Variants in PCDH7 observed in about 807,000 individuals in gnomAD.
PCDH7 encodes protocadherin-7.
A neutral mutation model predicts 58.9 loss-of-function variants in PCDH7; 17 were observed. That is an observed-to-expected ratio of 0.29 (90% CI 0.20 to 0.43). PCDH7 has a LOEUF of 0.43. PCDH7 is among the 20% of genes least tolerant of loss of function. PCDH7 has a pLI of 1.00. For synonymous variants in PCDH7, 664 were observed against 616.4 expected (o/e 1.08, Z -1.14); for missense variants, 1,274 against 1,441.0 (o/e 0.88, Z 1.88).
Position 31,080,892 on chromosome 4 carries a change from A to G in PCDH7, c.*8-61581A>G, listed in dbSNP as rs530050796. Reference sequence around the variant, plus strand: ...CTCCATACTGTTCTTGTGGTAGTGAATAAGTCCCATGAGATGTGATGATTT... The same window carrying G: ...CTCCATACTGTTCTTGTGGTAGTGAGTAAGTCCCATGAGATGTGATGATTT... On this transcript the variant is annotated intron_variant, in intron 3 of 3. Transcript: ENST00000509759. Among the ~76,000 whole-genome samples, 12 of 152,294 alleles carry G rather than the reference A, an allele frequency of 7.9e-5. No individual in the cohort carries two copies. The South Asian group carries it at 2.5e-3, about 32-fold the overall frequency.
chr4:31,074,807 A>G (rs1336002207), intron 3 of PCDH7, among the ~76,000 whole-genome samples: 9 of 147,670 alleles, frequency 6.1e-5, no homozygotes, highest in Non-Finnish European at 1.2e-4. Context: ...AAAAAAAAAA[A>G]GCTGTATTTA....
At chr4:30,801,822 C>G (rs1484902710) in intron 1 of PCDH7, among the ~76,000 whole-genome samples, 1 of 152,126 alleles carries the variant, frequency 6.6e-6, no homozygotes, top group Admixed American at 6.5e-5. Context: ...CTGTCTCTTT[C>G]AAACACTACT....
chr4:31,025,390 G>A (rs1160309608), intron 3 of PCDH7, among the ~76,000 whole-genome samples: 2 of 152,158 alleles, frequency 1.3e-5, no homozygotes, highest in East Asian at 3.9e-4. Flanking sequence ...CTAATAATTG[G>A]AAGAAATCCC....
At chr4:30,727,376 C>A (rs901524322) in intron 1 of PCDH7, among the ~76,000 whole-genome samples, 1 of 151,862 alleles carries the variant, frequency 6.6e-6, no homozygotes, top group African/African-American at 2.4e-5. Context: ...CCCTTAACTG[C>A]TTACTTTTTG....
At chr4:31,075,458 A>G (rs968240448) in intron 3 of PCDH7, among the ~76,000 whole-genome samples, 8 of 152,208 alleles carry the variant, frequency 5.3e-5, no homozygotes, top group Admixed American at 1.3e-4. Flanking sequence ...CCTCTGTAGT[A>G]TCTTCTCTCA....
intron 2 of PCDH7, among the ~76,000 whole-genome samples, chr4:30,943,020 G>A (rs549512495): frequency 2.0e-5 from 3 of 151,820 alleles, no homozygotes; most frequent in South Asian, 2.1e-4. Context: ...AACATAGGGT[G>A]ACACTGGGTG....
chr4:30,908,640 T>G lies in PCDH7; in HGVS notation c.71-11513T>G, dbSNP rs556781698. On this transcript the variant is annotated intron_variant, in intron 1 of 3. Coordinates refer to the PCDH7 transcript ENST00000509759. Reference sequence around the variant, plus strand: ...CAAGTTCTGAAATTGAGGCAGTAATTAATTGCCTACCAACCAAAAAAATCC... The same window carrying G: ...CAAGTTCTGAAATTGAGGCAGTAATGAATTGCCTACCAACCAAAAAAATCC... Among the ~76,000 whole-genome samples, 3 of 152,282 alleles carry G rather than the reference T, an allele frequency of 2.0e-5. No individual in the cohort carries two copies. In the East Asian group the frequency reaches 5.8e-4, roughly 29 times the overall value.
At chr4:30,910,381 A>G (rs969091896) in intron 1 of PCDH7, among the ~76,000 whole-genome samples, 11 of 152,208 alleles carry the variant, frequency 7.2e-5, no homozygotes, top group African/African-American at 2.7e-4. Context: ...GTGAACAGGC[A>G]AACTACAGAA....
chr4:30,945,060 G>A (rs184327480), intron 2 of PCDH7, among the ~76,000 whole-genome samples: 1 of 152,058 alleles, frequency 6.6e-6, no homozygotes, highest in East Asian at 1.9e-4. Context: ...CTCAGCTCCA[G>A]TTATGGAAAG....
At chr4:31,141,376 C>A (rs1163179606) in intron 3 of PCDH7, among the ~76,000 whole-genome samples, 1 of 152,136 alleles carries the variant, frequency 6.6e-6, no homozygotes, top group Non-Finnish European at 1.5e-5. Flanking sequence ...ATATTATGTT[C>A]TTTTGTTTGG....
At chr4:30,888,813 T>A (rs1039429285) in intron 1 of PCDH7, among the ~76,000 whole-genome samples, 1 of 152,116 alleles carries the variant, frequency 6.6e-6, no homozygotes, top group Non-Finnish European at 1.5e-5. Context: ...TGTATATGAG[T>A]ACTTACACTA....
intron 1 of PCDH7, among the ~76,000 whole-genome samples, chr4:30,763,626 C>CT (rs1720327485): frequency 6.6e-6 from 1 of 152,182 alleles, no homozygotes; most frequent in Admixed American, 6.5e-5. Flanking sequence ...CCACAGTGCT[C>CT]TGTTAGCCTG....
At chr4:30,860,741 T>C (rs10517220) in intron 1 of PCDH7, among the ~76,000 whole-genome samples, 14,136 of 152,156 alleles carry the variant, frequency 0.093, 781 homozygotes, top group Non-Finnish European at 0.12. Flanking sequence ...GTGAAGGTAC[T>C]AGGATTGTAT....
chr4:30,764,570 A>C (rs1577704507), intron 1 of PCDH7, among the ~76,000 whole-genome samples: 1 of 152,344 alleles, frequency 6.6e-6, no homozygotes, highest in East Asian at 1.9e-4. Flanking sequence ...TGACATTGAA[A>C]GAAACGAAGT....
At chr4:31,104,203 T>C (rs1715258467) in intron 3 of PCDH7, among the ~76,000 whole-genome samples, 1 of 152,180 alleles carries the variant, frequency 6.6e-6, no homozygotes, top group Admixed American at 6.5e-5. Flanking sequence ...AAGCACTTAG[T>C]TCTGTTTATT....
Position 30,722,224 on chromosome 4 carries a change from C to T in PCDH7, c.802C>T (p.Arg268Cys). 1 of 1,590,890 alleles carries T rather than the reference C, an allele frequency of 6.3e-7. No individual in the cohort carries two copies. The highest frequency in any genetic ancestry group is 8.6e-7 in the Non-Finnish European group (1 of 1,169,582). ...GCTGATCGTGAAGGGGGCGCTGGAC[C>T]GCGAGCAGCGCGACTCCTACGAGCT... Residue 268 changes from arginine (R) to cysteine (C), a missense_variant, in exon 1 of 2, where the codon CGC becomes TGC. By Grantham distance (180) the Arg-to-Cys change is radical. Coordinates refer to ENST00000361762, the Ensembl canonical transcript of PCDH7. This position sits in a 1 kb window ranked among gnomAD's most constrained non-coding sequence, Gnocchi z 7.6.
chr4:31,053,001 C>CT (rs558461830), intron 3 of PCDH7, among the ~76,000 whole-genome samples: 76 of 151,268 alleles, frequency 5.0e-4, no homozygotes, highest in African/African-American at 9.7e-4. Context: ...AGTCAAATTA[C>CT]TTTTTTTTTA....
At chr4:31,048,154 C>T (rs1756440640) in intron 3 of PCDH7, among the ~76,000 whole-genome samples, 1 of 151,732 alleles carries the variant, frequency 6.6e-6, no homozygotes, top group East Asian at 1.9e-4. Context: ...AAATATTTTT[C>T]AGAAAATATG....
chr4:30,952,470 A>G (rs1747455152), intron 3 of PCDH7, among the ~76,000 whole-genome samples: 1 of 151,958 alleles, frequency 6.6e-6, no homozygotes, highest in African/African-American at 2.4e-5. Context: ...CAAATTAAGG[A>G]GAAAAAAAAA....
Sources: gnomAD v4.1 joint callset for allele counts (sites outside exome capture counted in the v4.1 genomes callset) on GRCh38, gnomAD v4.1.1 for gene constraint, Gnocchi (gnomAD v3.1) non-coding constraint, MANE v1.5 for transcripts, NCBI Gene and HGNC (gene_info 2026-07-23, HGNC 2026-07-21) for gene names.